Variants in RBM20 observed in about 807,000 individuals in gnomAD.
RBM20 encodes the protein RNA-binding protein 20.
In RBM20, 51 loss-of-function variants were observed where a neutral mutation model predicts 110.1. The ratio of observed to expected loss-of-function variants is 0.46; its 90% CI spans 0.37 to 0.59. The LOEUF is 0.59. RBM20 is among the 20% of genes least tolerant of loss of function. The probability of loss-of-function intolerance (pLI) is 0.00; values close to 1 mark genes in which losing one functional copy is unlikely to be tolerated. For synonymous variants in RBM20, 589 were observed against 618.2 expected (o/e 0.95, Z 0.70); for missense variants, 1,512 against 1,574.9 (o/e 0.96, Z 0.68).
At chr10:110,789,614 A>G (rs1018790510) in intron 5 of RBM20, among the ~76,000 whole-genome samples, 1 of 151,646 alleles carries the variant, frequency 6.6e-6, no homozygotes, top group African/African-American at 2.4e-5. Flanking sequence ...GTGCCACCAG[A>G]CTCAGCTAAT....
chr10:110,699,610 C>A (rs542780031), intron 1 of RBM20, among the ~76,000 whole-genome samples: 48 of 152,118 alleles, frequency 3.2e-4, no homozygotes, highest in African/African-American at 9.9e-4. Context: ...ACAAAAAAAA[C>A]CAAACCTGCA....
chr10:110,783,261 T>G (rs1439853613), intron 2 of RBM20, 105 bp from the exon 3 acceptor site: 2 of 818,736 alleles, frequency 2.4e-6, no homozygotes, highest in Non-Finnish European at 2.0e-6. Context: ...TGGTCCAGCC[T>G]CTGGGCGCTC....
intron 1 of RBM20, among the ~76,000 whole-genome samples, chr10:110,667,473 G>A (rs1018511578): frequency 6.6e-6 from 1 of 152,168 alleles, no homozygotes; most frequent in Non-Finnish European, 1.5e-5. Context: ...GGAAGATCCT[G>A]CCTCGGTGGG....
At chr10:110,770,229 C>T (rs924692058) in intron 1 of RBM20, among the ~76,000 whole-genome samples, 2 of 152,088 alleles carry the variant, frequency 1.3e-5, no homozygotes, top group Non-Finnish European at 2.9e-5. Context: ...GTTCTCCTCT[C>T]CGGGTGCCCA....
intron 1 of RBM20, among the ~76,000 whole-genome samples, chr10:110,772,912 T>G (rs1173411716): frequency 2.0e-5 from 3 of 152,192 alleles, no homozygotes; most frequent in Non-Finnish European, 2.9e-5. Flanking sequence ...AAATTAAACC[T>G]TAGAGTTATC....
At chr10:110,699,382 AT>A (rs1862720471) in intron 1 of RBM20, among the ~76,000 whole-genome samples, 1 of 149,300 alleles carries the variant, frequency 6.7e-6, no homozygotes, top group Non-Finnish European at 1.5e-5. Context: ...AGTGATTCTC[AT>A]GCCTGAGTCT....
rs764966502 is a variant in RBM20, at chr10:110,660,291, G to A, written c.191+15646G>A. 1.6e-4 allele frequency among the ~76,000 whole-genome samples: 25 copies of A among 152,014 alleles called. 1 individual carries two copies. Among genetic ancestry groups the A allele is most frequent in the Admixed American group, 1.5e-3 (23 of 15,256 alleles). On this transcript the variant is annotated intron_variant, in intron 1 of 13. Transcript: ENST00000369519. The stretch of plus-strand genomic sequence containing the variant: ...GCCTGGAAAATAAGTGATTGCTCAC[G>A]ATTCCTCAGGGAGACTTACTCCAAC...
chr10:110,761,497 A>G (rs867057614), intron 1 of RBM20, among the ~76,000 whole-genome samples: 1 of 152,188 alleles, frequency 6.6e-6, no homozygotes. Context: ...TGTACTTGGC[A>G]CTTGGGCGAC....
intron 1 of RBM20, among the ~76,000 whole-genome samples, chr10:110,716,617 G>A (rs191810973): frequency 7.7e-4 from 117 of 152,128 alleles, no homozygotes; most frequent in African/African-American, 2.7e-3. Context: ...CTGGAGTATA[G>A]AGTAAAAGAA....
At chr10:110,670,105 G>T (rs887802858) in intron 1 of RBM20, among the ~76,000 whole-genome samples, 1 of 151,728 alleles carries the variant, frequency 6.6e-6, no homozygotes, top group African/African-American at 2.4e-5. Flanking sequence ...GATTTTTTTA[G>T]ATGGTGATTT....
chr10:110,797,266 T>C (rs1297065041), intron 5 of RBM20, among the ~76,000 whole-genome samples: 1 of 152,156 alleles, frequency 6.6e-6, no homozygotes, highest in Non-Finnish European at 1.5e-5. Context: ...CGCTCTAGCC[T>C]GGGTGATGGG....
chr10:110,830,603 C>A (rs1231986907), intron 12 of RBM20, among the ~76,000 whole-genome samples: 1 of 147,186 alleles, frequency 6.8e-6, no homozygotes, highest in Non-Finnish European at 1.5e-5. Flanking sequence ...ACTTTTTTTT[C>A]TGTAAAGAAC....
chr10:110,677,665 C>T (rs749902020), intron 1 of RBM20, among the ~76,000 whole-genome samples: 2 of 152,236 alleles, frequency 1.3e-5, no homozygotes, highest in Non-Finnish European at 2.9e-5. Context: ...TAGCACAGAA[C>T]TATTTGGTGC....
At chr10:110,704,220 A>G (rs1427985708) in intron 1 of RBM20, among the ~76,000 whole-genome samples, 1 of 152,224 alleles carries the variant, frequency 6.6e-6, no homozygotes, top group Non-Finnish European at 1.5e-5. Flanking sequence ...GAGTGTATCA[A>G]TGGTGCATTA....
At chr10:110,662,432 C>T (rs571958628) in intron 1 of RBM20, among the ~76,000 whole-genome samples, 36 of 152,314 alleles carry the variant, frequency 2.4e-4, no homozygotes, top group East Asian at 3.9e-4. Context: ...GAAATTTCCT[C>T]GGTCTAAAAT....
intron 1 of RBM20, among the ~76,000 whole-genome samples, chr10:110,779,226 C>T (rs1404725774): frequency 1.3e-5 from 2 of 152,160 alleles, no homozygotes; most frequent in Non-Finnish European, 2.9e-5. Flanking sequence ...GACTTTCAGC[C>T]TCACCCCTAA....
chr10:110,824,721 A>G (rs1042617910), intron 12 of RBM20, among the ~76,000 whole-genome samples: 1 of 152,220 alleles, frequency 6.6e-6, no homozygotes, highest in African/African-American at 2.4e-5. Context: ...CCACTAACCC[A>G]GCAACTCCAG....
At chr10:110,712,883 TCTTTTCTGTGATTC>T (rs1862957092) in intron 1 of RBM20, among the ~76,000 whole-genome samples, 1 of 152,256 alleles carries the variant, frequency 6.6e-6, no homozygotes, top group Non-Finnish European at 1.5e-5. Flanking sequence ...CTGTTTTTGC[TCTTTTCTGTGATTC>T]CCCAACACAT....
intron 1 of RBM20, among the ~76,000 whole-genome samples, chr10:110,768,710 A>T (rs1205231011): frequency 2.0e-5 from 3 of 152,222 alleles, no homozygotes; most frequent in Non-Finnish European, 4.4e-5. Flanking sequence ...AGTTTGAAAG[A>T]TTCTAGGATG....
Sources: gnomAD v4.1 joint callset for allele counts (sites outside exome capture counted in the v4.1 genomes callset) on GRCh38, gnomAD v4.1.1 for gene constraint, MANE v1.5 for transcripts, NCBI Gene and HGNC (gene_info 2026-07-23, HGNC 2026-07-21) for gene names.